Variants in MBTD1 observed in about 807,000 individuals in gnomAD.
MBTD1 encodes MBT domain-containing protein 1.
MBTD1 carries 24 observed loss-of-function variants against 87.8 expected under a neutral mutation model. The observed-to-expected ratio is 0.27, with a 90% CI of 0.20 to 0.38. MBTD1 has a LOEUF of 0.38. Ranked by LOEUF, MBTD1 falls within the 10% of genes least tolerant of loss-of-function variation. The probability of loss-of-function intolerance (pLI) is 1.00; values close to 1 mark genes in which losing one functional copy is unlikely to be tolerated. For missense variants in MBTD1, 436 were observed against 760.2 expected (o/e 0.57, Z 5.02); for synonymous variants, 237 against 248.6 (o/e 0.95, Z 0.44).
chr17:51,200,227 T>C (rs2051381888), intron 12 of MBTD1, among the ~76,000 whole-genome samples: 1 of 152,192 alleles, frequency 6.6e-6, no homozygotes, highest in African/African-American at 2.4e-5. Flanking sequence ...TAGGTGGTTC[T>C]TGACCATGGC....
intron 16 of MBTD1, among the ~76,000 whole-genome samples, chr17:51,186,802 CA>C (rs1001440451): frequency 7.3e-5 from 11 of 150,978 alleles, no homozygotes; most frequent in Non-Finnish European, 1.6e-4. Flanking sequence ...CAAAACAAAA[CA>C]AAAAGAACAG....
In MBTD1 at chr17:51,206,895, T is replaced by C. The variant is rs777406008; in HGVS notation, c.597A>G (p.Lys199=). ...ATTATTCATGCTTTTCACCTGCTAA[T>C]TTTACAATTCCAGCAATCCAGAAGA... The part of the protein sequence containing the change: ...TKVFWIAGIV[K]LAGYNALLRY... The change falls in exon 7 of 17, where the codon AAA becomes AAG. Residue 199 remains lysine, a synonymous_variant. Transcript: ENST00000586178. 2 of 1,600,874 alleles carry C rather than the reference T, an allele frequency of 1.2e-6. No homozygotes were observed. The highest frequency in any genetic ancestry group is 2.2e-5 in the South Asian group (2 of 90,740).
chr17:51,192,505 T>C (rs938260870), intron 15 of MBTD1: 4 of 639,008 alleles, frequency 6.3e-6, no homozygotes, highest in Non-Finnish European at 1.1e-5. Flanking sequence ...AAACTTTTAG[T>C]ATGTAATTTT....
chr17:51,256,585 G>A (rs1162377967), intron 2 of MBTD1: 1 of 152,174 alleles, frequency 6.6e-6, no homozygotes, highest in African/African-American at 2.4e-5. Flanking sequence ...GTTATGCTTA[G>A]AAAACAGTGT....
At chr17:51,215,250 T>C (rs375767906) in intron 6 of MBTD1, among the ~76,000 whole-genome samples, 12 of 152,312 alleles carry the variant, frequency 7.9e-5, no homozygotes, top group Middle Eastern at 3.4e-3. Context: ...GATTCCCTGA[T>C]AGAACATTTC....
intron 14 of MBTD1, among the ~76,000 whole-genome samples, 191 bp downstream of exon 14, chr17:51,193,237 G>A (rs758944447): frequency 5.9e-5 from 9 of 151,902 alleles, no homozygotes; most frequent in Admixed American, 2.6e-4. Context: ...GATTAAAAAC[G>A]AAACATAGTT....
chr17:51,229,489 T>G (rs2053431849), intron 2 of MBTD1, among the ~76,000 whole-genome samples: 1 of 152,124 alleles, frequency 6.6e-6, no homozygotes, highest in South Asian at 2.1e-4. Flanking sequence ...TATTAAACAT[T>G]TGCATTGAGA....
At chr17:51,214,998 G>GC (rs1287720213) in intron 6 of MBTD1, among the ~76,000 whole-genome samples, 1 of 152,170 alleles carries the variant, frequency 6.6e-6, no homozygotes, top group Non-Finnish European at 1.5e-5. Flanking sequence ...ATGAAGTGTG[G>GC]CCCCCTTAAC....
intron 2 of MBTD1, among the ~76,000 whole-genome samples, chr17:51,255,612 T>C (rs2055043690): frequency 6.6e-6 from 1 of 151,740 alleles, no homozygotes; most frequent in Non-Finnish European, 1.5e-5. Context: ...TTTTTTTTTT[T>C]TGAGACGGAG....
intron 2 of MBTD1, among the ~76,000 whole-genome samples, chr17:51,233,276 C>T (rs2053643332): frequency 6.6e-6 from 1 of 152,032 alleles, no homozygotes; most frequent in East Asian, 1.9e-4. Flanking sequence ...ACAGTCTAAT[C>T]AGGTGCTTAG....
intron 2 of MBTD1, among the ~76,000 whole-genome samples, chr17:51,246,462 C>T (rs2054441424): frequency 6.6e-6 from 1 of 152,170 alleles, no homozygotes. Flanking sequence ...TTGTAATCTT[C>T]TCTTTTGTTG....
At chr17:51,220,826 G>C (rs1568196857) in intron 3 of MBTD1, among the ~76,000 whole-genome samples, 1 of 152,184 alleles carries the variant, frequency 6.6e-6, no homozygotes, top group Non-Finnish European at 1.5e-5. Context: ...GATTACACTT[G>C]AAAGATGAAA....
Position 51,195,332 on chromosome 17 carries a change from C to T in MBTD1, c.1254G>A (p.Gly418=). 6.2e-7 allele frequency: 1 copy of T among 1,609,670 alleles called. No individual in the cohort carries two copies. Among genetic ancestry groups the T allele is most frequent in the Non-Finnish European group, 8.5e-7 (1 of 1,177,786 alleles). The change falls in exon 13 of 17, where the codon GGG becomes GGA. Residue 418 remains glycine (G), a synonymous_variant. Coordinates refer to ENST00000586178, the MANE Select transcript of MBTD1 (RefSeq NM_017643.3). ...KVLADGFLMI[G]IDGSEAADGS... is the part of the protein sequence containing the mutation. Reference sequence around the variant, plus strand: ...CGTCTGCTGCTTCTGAGCCATCGATCCCAATCATCAGGAATCCGTCAGCTA... The same window carrying T: ...CGTCTGCTGCTTCTGAGCCATCGATTCCAATCATCAGGAATCCGTCAGCTA...
intron 2 of MBTD1, among the ~76,000 whole-genome samples, chr17:51,249,071 C>T (rs1454695551): frequency 1.4e-5 from 2 of 146,286 alleles, no homozygotes; most frequent in Non-Finnish European, 3.0e-5. Flanking sequence ...GGCAACATGG[C>T]GAGACTTCGT....
intron 2 of MBTD1, 69 bp from the exon 3 acceptor site, chr17:51,225,278 C>G (rs1404499813): frequency 1.4e-6 from 1 of 694,580 alleles, no homozygotes; most frequent in East Asian, 3.3e-5. Flanking sequence ...GACCCTAGCA[C>G]AAATTCTGGT....
intron 2 of MBTD1, among the ~76,000 whole-genome samples, chr17:51,240,296 T>C (rs1025888157): frequency 4.6e-5 from 7 of 152,130 alleles, no homozygotes; most frequent in Non-Finnish European, 1.0e-4. Flanking sequence ...TTAACTAAAG[T>C]CTACATTTTC....
chr17:51,198,570 A>G (rs1378255811), intron 12 of MBTD1, among the ~76,000 whole-genome samples: 2 of 152,228 alleles, frequency 1.3e-5, no homozygotes, highest in Non-Finnish European at 2.9e-5. Context: ...AGGGACTTGT[A>G]TGTATCACAT....
intron 6 of MBTD1, among the ~76,000 whole-genome samples, chr17:51,216,977 G>T (rs780534560): frequency 6.6e-6 from 1 of 152,056 alleles, no homozygotes; most frequent in Non-Finnish European, 1.5e-5. Flanking sequence ...AAGGTGGGAG[G>T]ACTGCTTGAT....
At chr17:51,240,140 A>G (rs2054082061) in intron 2 of MBTD1, among the ~76,000 whole-genome samples, 1 of 152,060 alleles carries the variant, frequency 6.6e-6, no homozygotes, top group South Asian at 2.1e-4. Context: ...TTTTTTTCTT[A>G]AAGACTTTAT....
Sources: allele counts gnomAD v4.1 joint callset (sites outside exome capture counted in the v4.1 genomes callset), GRCh38; gene constraint gnomAD v4.1.1; transcripts MANE v1.5; gene names NCBI Gene and HGNC (gene_info 2026-07-23, HGNC 2026-07-21).